UNC5B: variants seen among roughly 807,000 people sequenced by gnomAD.
The protein encoded by UNC5B is unc-5 netrin receptor B.
A neutral mutation model predicts 103.7 loss-of-function variants in UNC5B; 56 were observed. The observed-to-expected ratio is 0.54, with a 90% confidence interval of 0.44 to 0.67. UNC5B has a LOEUF of 0.67. Among genes scored for constraint, UNC5B ranks in the 30% least tolerant of loss-of-function variants. UNC5B has a pLI of 0.00. For synonymous variants in UNC5B, 577 were observed against 542.0 expected (o/e 1.06, Z -0.90); for missense variants, 1,194 against 1,284.5 (o/e 0.93, Z 1.08).
At chr10:71,217,770 T>A (rs1008746266) in intron 1 of UNC5B, 1 of 152,108 alleles carries the variant, frequency 6.6e-6, no homozygotes, top group Non-Finnish European at 1.5e-5. Context: ...ATTTACCTTT[T>A]CCATCTTAGC....
intron 1 of UNC5B, among the ~76,000 whole-genome samples, chr10:71,240,641 G>C (rs767765013): frequency 6.6e-6 from 1 of 152,220 alleles, no homozygotes; most frequent in Admixed American, 6.5e-5. Context: ...ATTTCCTCCC[G>C]GCCCAGCAGC....
chr10:71,286,809 T>C lies in UNC5B; in HGVS notation c.673T>C (p.Cys225Arg), dbSNP rs1217354228. The change falls in exon 5 of 17, where the codon TGC becomes CGC. Residue 225 changes from cysteine to arginine, a missense_variant. Transcript: ENST00000335350. ...ARLSDTANYT[C>R]VAKNIVAKRR... Reference sequence around the variant, plus strand: ...CCTGTCGGACACTGCCAACTATACCTGCGTGGCCAAGAACATCGTGGCCAA... The same window carrying C: ...CCTGTCGGACACTGCCAACTATACCCGCGTGGCCAAGAACATCGTGGCCAA... 1 of 1,614,046 alleles carries C rather than the reference T, an allele frequency of 6.2e-7. No homozygotes were observed. Among genetic ancestry groups the C allele is most frequent in the African/African-American group, 1.3e-5 (1 of 74,938 alleles).
chr10:71,256,707 G>C (rs1260914221), intron 1 of UNC5B, among the ~76,000 whole-genome samples: 2 of 152,232 alleles, frequency 1.3e-5, no homozygotes, highest in Non-Finnish European at 2.9e-5. Context: ...AGGCCCCAGA[G>C]GCCTAGCAGC....
At position 71,299,349 on chromosome 10, in the gene UNC5B, T is replaced by A; in HGVS notation, c.*72T>A. On this transcript the variant is annotated 3_prime_UTR_variant, in exon 17 of 17. Transcript: ENST00000335350. The stretch of plus-strand genomic sequence containing the variant: ...AGGGAGGCCTGGGGCAGCCTCCTGA[T>A]GGGGATGTTTGGCCTCTGCTTCCTC... 1 of 1,569,720 alleles carries A rather than the reference T, an allele frequency of 6.4e-7. No individual in the cohort carries two copies. The highest frequency in any genetic ancestry group is 1.3e-5 in the African/African-American group (1 of 74,214).
chr10:71,289,391 T>G (rs956640066), intron 8 of UNC5B, among the ~76,000 whole-genome samples: 1 of 152,084 alleles, frequency 6.6e-6, no homozygotes, highest in African/African-American at 2.4e-5. Flanking sequence ...ACATCACCAC[T>G]CCAGTCCCCC....
At chr10:71,266,545 G>C in intron 1 of UNC5B, among the ~76,000 whole-genome samples, 1 of 152,150 alleles carries the variant, frequency 6.6e-6, no homozygotes, top group South Asian at 2.1e-4. Flanking sequence ...GCTGGAGACG[G>C]CACTCCATCC....
chr10:71,276,213 C>T (rs1311630456), intron 1 of UNC5B, among the ~76,000 whole-genome samples: 2 of 152,144 alleles, frequency 1.3e-5, no homozygotes, highest in East Asian at 3.9e-4. Context: ...AAAATCAAAA[C>T]GTTTGTGCAT....
At chr10:71,284,685 C>G (rs1287350948) in intron 2 of UNC5B, 35 bp from the exon 3 acceptor site, 2 of 1,610,614 alleles carry the variant, frequency 1.2e-6, no homozygotes. Flanking sequence ...CTTGCTTTGC[C>G]CCTGCCCCCT....
Position 71,291,016 on chromosome 10 carries a change from C to CGCAGT in UNC5B, c.1204_1205insGTGCA (p.Asn402SerfsTer18). ...GGCGGTGGGGGTGGTGGTGTACCGC[C>CGCAGT]GCAACTGCCGTGACTTCGACACAGA... On this transcript the variant is annotated frameshift_variant, in exon 9 of 17. Coordinates refer to ENST00000335350, the MANE Select transcript of UNC5B (RefSeq NM_170744.5). LOFTEE classifies it high-confidence loss of function. The CGCAGT allele has an allele frequency of 6.2e-7, 1 of 1,614,096 alleles. No homozygotes were observed. Among genetic ancestry groups the CGCAGT allele is most frequent in the Non-Finnish European group, 8.5e-7 (1 of 1,180,002 alleles).
chr10:71,214,131 C>T (rs1469243684), intron 1 of UNC5B, among the ~76,000 whole-genome samples: 2 of 152,056 alleles, frequency 1.3e-5, no homozygotes, highest in African/African-American at 2.4e-5. Flanking sequence ...GACGGGGCCT[C>T]CTGCACGGAG....
chr10:71,226,797 C>G (rs951575469), intron 1 of UNC5B, among the ~76,000 whole-genome samples: 1 of 152,146 alleles, frequency 6.6e-6, no homozygotes, highest in East Asian at 1.9e-4. Flanking sequence ...GAAACAAAAT[C>G]ATATTATTAT....
At chr10:71,269,078 A>T (rs1844586455) in intron 1 of UNC5B, among the ~76,000 whole-genome samples, 2 of 152,262 alleles carry the variant, frequency 1.3e-5, no homozygotes, top group Non-Finnish European at 1.5e-5. Flanking sequence ...TTATGATTCA[A>T]AAGTCCTCAG....
At position 71,213,726 on chromosome 10, in the gene UNC5B, A is replaced by AGTGTGT. The variant is rs1238732312; in HGVS notation, c.79+663_79+664insTGTGTG. On this transcript the variant is annotated intron_variant, in intron 1 of 16. Coordinates refer to ENST00000335350, the MANE Select transcript of UNC5B (RefSeq NM_170744.5). This position sits in a 1 kb window ranked among gnomAD's most constrained non-coding sequence, Gnocchi z 4.1. The stretch of plus-strand genomic sequence containing the variant: ...TTATTATTAATTTTCTGAGTGTTGG[A>AGTGTGT]GAGTGTGTGTGTGTGTGTGTGTGTG... Among the ~76,000 whole-genome samples the AGTGTGT allele has an allele frequency of 7.3e-5, 6 of 81,858 alleles. No individual in the cohort carries two copies. The highest frequency in any genetic ancestry group is 3.2e-4 in the African/African-American group (6 of 19,010). The allele number at this position is 81,858 out of a possible 152,430, so 53.7% of individuals were successfully genotyped here.
rs58207966 is a variant in UNC5B, at chr10:71,275,563, G to A, written c.80-4258G>A. 1.9e-3 allele frequency among the ~76,000 whole-genome samples: 284 copies of A among 152,266 alleles called. 1 individual carries two copies. The highest frequency in any genetic ancestry group is 6.5e-3 in the African/African-American group (270 of 41,556). ...GCCCATTTCCAGTTCAGCAGAGCTC[G>A]GAAGACAGATTCTAGTATCAGATCA... On this transcript the variant is annotated intron_variant, in intron 1 of 16. Coordinates refer to ENST00000335350, the MANE Select transcript of UNC5B (RefSeq NM_170744.5).
rs143894198 is a variant in UNC5B at position 71,238,142 on chromosome 10, G to A, written c.79+25078G>A. Among the ~76,000 whole-genome samples, 46 of 152,234 alleles carry A rather than the reference G, an allele frequency of 3.0e-4. No individual in the cohort carries two copies. The East Asian group carries it at 8.9e-3, about 29-fold the overall frequency. On this transcript the variant is annotated intron_variant, in intron 1 of 16. Coordinates refer to ENST00000335350, the MANE Select transcript of UNC5B (RefSeq NM_170744.5). ...TGATCATTAAAAACTAGAGGTGCTG[G>A]GAGCCCCCCTGCCCTGGGTGGAAAG...
In UNC5B at chr10:71,290,971, G is replaced by A. The variant is rs780781213; in HGVS notation, c.1156G>A (p.Val386Met). Residue 386 changes from valine to methionine, a missense_variant, in exon 9 of 17, where the codon GTG (valine) becomes ATG (methionine). By Grantham distance (21) the Val-to-Met change is conservative. Transcript: ENST00000335350. ...TGCGGGGCTCGTGGTGGCCATCTTC[G>A]TGGTCGTGGCAATCCTCATGGCGGT... is the stretch of plus-strand genomic sequence containing the variant. ...LYAGLVVAIF[V>M]VVAILMAVGV... The A allele has an allele frequency of 1.2e-5, 19 of 1,614,058 alleles. No individual in the cohort carries two copies. The highest frequency in any genetic ancestry group is 3.3e-5 in the Admixed American group (2 of 60,024).
chr10:71,291,505 G>A lies in UNC5B; in HGVS notation c.1368G>A (p.Val456=). ...GCGCCGGCATCTACCGCGGACCCGT[G>A]TATGCCCTGCAGGACTCCACCGACA... ...TASAGIYRGP[V]YALQDSTDKI... Residue 456 remains valine, a synonymous_variant, in exon 10 of 17, where the codon GTG becomes GTA. Coordinates refer to ENST00000335350, the MANE Select transcript of UNC5B (RefSeq NM_170744.5). 6.2e-7 allele frequency: 1 copy of A among 1,614,094 alleles called. No homozygotes were observed. Among genetic ancestry groups the A allele is most frequent in the Non-Finnish European group, 8.5e-7 (1 of 1,180,018 alleles).
chr10:71,227,605 TATATAC>T lies in UNC5B; in HGVS notation c.79+14547_79+14552del, dbSNP rs1564706908. Among the ~76,000 whole-genome samples the T allele has an allele frequency of 4.2e-5, 5 of 118,252 alleles. 1 individual carries two copies. Among genetic ancestry groups the T allele is most frequent in the Admixed American group, 3.1e-4 (4 of 12,916 alleles). 77.6% of individuals were successfully genotyped at this position (118,252 alleles called of 152,430 possible). The stretch of plus-strand genomic sequence containing the variant: ...TAAAAATAAATTTTGTATACATACA[TATATAC>T]ATATATATACATATATACATATATA... On this transcript the variant is annotated intron_variant, in intron 1 of 16. Transcript: ENST00000335350.
chr10:71,269,603 T>TC (rs1424657991), intron 1 of UNC5B, among the ~76,000 whole-genome samples: 10 of 151,448 alleles, frequency 6.6e-5, no homozygotes, highest in African/African-American at 2.4e-4. Flanking sequence ...GACTGCTCCC[T>TC]CCCCCTCCAC....
Sources: allele counts gnomAD v4.1 joint callset (sites outside exome capture counted in the v4.1 genomes callset), GRCh38; gene constraint gnomAD v4.1.1; non-coding constraint Gnocchi (gnomAD v3.1); transcripts MANE v1.5; gene names NCBI Gene and HGNC (gene_info 2026-07-23, HGNC 2026-07-21).